AIPL1: variants seen among roughly 807,000 people sequenced by gnomAD.
AIPL1 encodes the protein AIP like 1 HSP90 co-chaperone.
AIPL1 carries 23 observed loss-of-function variants against 32.9 expected under a neutral mutation model. The observed-to-expected ratio is 0.70, with a 90% CI of 0.50 to 0.99. AIPL1 has a LOEUF of 0.99. Ranked by LOEUF, AIPL1 falls within the 50% of genes least tolerant of loss-of-function variation. The pLI is 0.00. For synonymous variants in AIPL1, 210 were observed against 209.4 expected (o/e 1.00, Z -0.02); for missense variants, 485 against 506.0 (o/e 0.96, Z 0.40).
At chr17:6,428,184 T>C in intron 3 of AIPL1, 134 bp downstream of exon 3, 1 of 1,028,984 alleles carries the variant, frequency 9.7e-7, no homozygotes, top group Non-Finnish European at 1.5e-6. Flanking sequence ...CTCCCATGGC[T>C]TATGAACCCT....
Position 6,425,304 on chromosome 17 carries a change from ATTGTT to A in AIPL1, c.*151_*155del. The A allele has an allele frequency of 2.6e-6, 2 of 779,226 alleles. No individual in the cohort carries two copies. Among genetic ancestry groups the A allele is most frequent in the Non-Finnish European group, 3.7e-6 (2 of 538,794 alleles). The allele number at this position is 779,226 out of a possible 1,614,324, so 48.3% of individuals were successfully genotyped here. A position where few individuals can be genotyped will look rare whatever the true frequency, so the allele number is the denominator to read the frequency against. On this transcript the variant is annotated 3_prime_UTR_variant, in exon 6 of 6. Transcript: ENST00000381129. Reference sequence around the variant, plus strand: ...TCATAAGCTCTTCTGTACCCTTGGGATTGTTTTTTTTTTTTTTTTTACCATGGGTG... The same window carrying A: ...TCATAAGCTCTTCTGTACCCTTGGGATTTTTTTTTTTTTTTACCATGGGTG...
In AIPL1 at chr17:6,434,356, C is replaced by T. The variant is rs867652142; in HGVS notation, c.97-258G>A. Among the ~76,000 whole-genome samples the T allele has an allele frequency of 3.8e-3, 396 of 104,974 alleles. 3 individuals carry two copies. The highest frequency in any genetic ancestry group is 0.013 in the African/African-American group (344 of 26,626). 68.9% of individuals were successfully genotyped at this position (104,974 alleles called of 152,430 possible). On this transcript the variant is annotated intron_variant, in intron 1 of 5. Transcript: ENST00000381129. ...ATCCTTCCTCAAGTAAGCCCGAGTT[C>T]TTTTTTTTTTTTTTTTTTCTGAGAC...
Position 6,430,044 on chromosome 17 carries a change from G to GGTGT in AIPL1, c.277-1542_277-1539dup, listed in dbSNP as rs34593943. ...CAGGTGAAGAACTAACTCTAGAAGG[G>GGTGT]GTGTGTGTGTGTGTGTGTGTGTGTG... On this transcript the variant is annotated intron_variant, in intron 2 of 5. Coordinates refer to ENST00000381129, the MANE Select transcript of AIPL1 (RefSeq NM_014336.5). Among the ~76,000 whole-genome samples, 312 of 144,906 alleles carry GGTGT rather than the reference G, an allele frequency of 2.2e-3. 2 individuals are homozygous for GGTGT. The highest frequency in any genetic ancestry group is 2.9e-3 in the East Asian group (14 of 4,756).
chr17:6,429,356 T>C (rs1004087215), intron 2 of AIPL1, among the ~76,000 whole-genome samples: 2 of 152,170 alleles, frequency 1.3e-5, no homozygotes, highest in Non-Finnish European at 2.9e-5. Context: ...TATGCAGCAG[T>C]TCAGCTCTGC....
In AIPL1 at chr17:6,425,283, A is replaced by G. The variant is rs574340384; in HGVS notation, c.*177T>C. The G allele has an allele frequency of 5.2e-6, 4 of 770,454 alleles. No homozygotes were observed. The highest frequency in any genetic ancestry group is 5.7e-5 in the East Asian group (2 of 35,192). The allele number at this position is 770,454 out of a possible 1,614,324, so 47.7% of individuals were successfully genotyped here. Reference sequence around the variant, plus strand: ...AGAGGAGAAAACTACTTTTATTCATAAGCTCTTCTGTACCCTTGGGATTGT... The same window carrying G: ...AGAGGAGAAAACTACTTTTATTCATGAGCTCTTCTGTACCCTTGGGATTGT... On this transcript the variant is annotated 3_prime_UTR_variant, in exon 6 of 6. Coordinates refer to ENST00000381129, the MANE Select transcript of AIPL1 (RefSeq NM_014336.5).
chr17:6,434,051 G>C lies in AIPL1; in HGVS notation c.144C>G (p.Val48=). ...GGCCCACCTGCCGACTGTCGTCAATGACTGTCCGCTCCTCATCACATTTCA... is the reference window on the plus strand; with the variant it reads ...GGCCCACCTGCCGACTGTCGTCAATCACTGTCCGCTCCTCATCACATTTCA... ...RTMKCDEERT[V]IDDSRQVGQP... Residue 48 remains valine, a synonymous_variant, in exon 2 of 6, where the codon GTC becomes GTG. Coordinates refer to ENST00000381129, the MANE Select transcript of AIPL1 (RefSeq NM_014336.5). 6 of 1,614,106 alleles carry C rather than the reference G, an allele frequency of 3.7e-6. No individual in the cohort carries two copies. Among genetic ancestry groups the C allele is most frequent in the Non-Finnish European group, 5.1e-6 (6 of 1,180,014 alleles).
Position 6,430,443 on chromosome 17 carries a change from C to G in AIPL1, c.277-1937G>C, listed in dbSNP as rs187555949. On this transcript the variant is annotated intron_variant, in intron 2 of 5. Transcript: ENST00000381129. Reference sequence around the variant, plus strand: ...TGCACTCCAGCCTGGGCAACAAGAGCGAAAGTCCGTCTCAAAAAAAAAAAA... The same window carrying G: ...TGCACTCCAGCCTGGGCAACAAGAGGGAAAGTCCGTCTCAAAAAAAAAAAA... Among the ~76,000 whole-genome samples the G allele has an allele frequency of 4.1e-3, 458 of 110,904 alleles. 4 individuals carry two copies. The highest frequency in any genetic ancestry group is 0.016 in the African/African-American group (442 of 28,030). The allele number at this position is 110,904 out of a possible 152,430, so 72.8% of individuals were successfully genotyped here. A position where few individuals can be genotyped will look rare whatever the true frequency, so the allele number is the denominator to read the frequency against.
At chr17:6,432,463 C>T (rs1332788039) in intron 2 of AIPL1, among the ~76,000 whole-genome samples, 1 of 152,086 alleles carries the variant, frequency 6.6e-6, no homozygotes, top group East Asian at 1.9e-4. Flanking sequence ...TATGCAGAGA[C>T]TTTGTTTGTT....
chr17:6,427,647 C>T (rs1460809203), intron 3 of AIPL1, among the ~76,000 whole-genome samples: 2 of 152,066 alleles, frequency 1.3e-5, no homozygotes, highest in African/African-American at 4.8e-5. Flanking sequence ...GTGGGGAGTT[C>T]CATGCAGCCT....
intron 2 of AIPL1, among the ~76,000 whole-genome samples, chr17:6,430,378 C>A (rs1029072003): frequency 2.7e-5 from 4 of 145,604 alleles, no homozygotes; most frequent in African/African-American, 1.0e-4. Flanking sequence ...ATCGCTTGAA[C>A]CCGGGAGGCA....
chr17:6,429,637 T>C (rs1312731485), intron 2 of AIPL1, among the ~76,000 whole-genome samples: 2 of 152,192 alleles, frequency 1.3e-5, no homozygotes, highest in Non-Finnish European at 2.9e-5. Context: ...CACACTGCCC[T>C]CACTTATTTA....
intron 4 of AIPL1, 49 bp from the exon 5 acceptor site, chr17:6,426,805 C>T (rs769419287): frequency 6.2e-7 from 1 of 1,612,498 alleles, no homozygotes; most frequent in South Asian, 1.1e-5. Flanking sequence ...GCCCAACCCC[C>T]GCCCCACCCT....
In AIPL1 at chr17:6,426,914, C is replaced by T. The variant is rs914786064; in HGVS notation, c.609G>A (p.Glu203=). The T allele has an allele frequency of 2.5e-6, 4 of 1,614,116 alleles. No homozygotes were observed. In the African/African-American group the frequency reaches 4.0e-5, roughly 16 times the overall value. The stretch of plus-strand genomic sequence containing the variant: ...GCAGGTTCCTTAGGCAGATGATGGC[C>T]TCCTGGTACTTGGAAGAGGCCTCCT... The part of the protein sequence containing the change: ...RYEEASSKYQ[E]AIICLRNLQT... Residue 203 remains glutamate (E), a synonymous_variant, in exon 4 of 6, where the codon GAG becomes GAA. Coordinates refer to ENST00000381129, the MANE Select transcript of AIPL1 (RefSeq NM_014336.5).
intron 4 of AIPL1, 59 bp downstream of exon 4, chr17:6,426,822 C>A: frequency 1.2e-6 from 2 of 1,612,632 alleles, no homozygotes; most frequent in Non-Finnish European, 1.7e-6. Flanking sequence ...CCCTGGCCGG[C>A]ACTGGGCAGG....
At chr17:6,433,866 G>A (rs1232433953) in intron 2 of AIPL1, 53 bp downstream of exon 2, 1 of 1,595,174 alleles carries the variant, frequency 6.3e-7, no homozygotes, top group African/African-American at 1.3e-5. Flanking sequence ...AAAGCGGGTG[G>A]GTGAGCCCAG....
chr17:6,432,208 C>T (rs1308340987), intron 2 of AIPL1, among the ~76,000 whole-genome samples: 1 of 151,994 alleles, frequency 6.6e-6, no homozygotes, highest in Non-Finnish European at 1.5e-5. Context: ...CATGGTGAAA[C>T]CCTGTCTGTA....
Position 6,428,263 on chromosome 17 carries a change from G to A in AIPL1, c.465+55C>T, listed in dbSNP as rs1208929181. 37 of 1,591,648 alleles carry A rather than the reference G, an allele frequency of 2.3e-5. No individual in the cohort carries two copies. The East Asian group carries it at 2.9e-4, about 12-fold the overall frequency. ...TGGGGTGGGGGTGCCCATGATGCCCGCTGTCCCTCTCCAGTGCTGGCACAG... is the reference window on the plus strand; with the variant it reads ...TGGGGTGGGGGTGCCCATGATGCCCACTGTCCCTCTCCAGTGCTGGCACAG... On this transcript the variant is annotated intron_variant, in intron 3 of 5. Coordinates refer to ENST00000381129, the MANE Select transcript of AIPL1 (RefSeq NM_014336.5).
Position 6,425,767 on chromosome 17 carries a change from G to A in AIPL1, c.848C>T (p.Ala283Val). The change falls in exon 6 of 6, where the codon GCC (alanine) becomes GTC (valine). Residue 283 changes from alanine to valine, a missense_variant. By Grantham distance (64) the Ala-to-Val change is moderately conservative. Transcript: ENST00000381129. Reference protein sequence around the residue: ...AHAEVWNEAEAKADLQKVLEL... With the variant: ...AHAEVWNEAEVKADLQKVLEL... ...CAGCACTTTCTGGAGGTCCGCCTTG[G>A]CCTCGGCCTCATTCCACACCTCTGC... 1 of 1,606,824 alleles carries A rather than the reference G, an allele frequency of 6.2e-7. No individual in the cohort carries two copies. The highest frequency in any genetic ancestry group is 8.5e-7 in the Non-Finnish European group (1 of 1,179,986).
chr17:6,425,794 T>G lies in AIPL1; in HGVS notation c.821A>C (p.His274Pro). 2 of 1,605,874 alleles carry G rather than the reference T, an allele frequency of 1.2e-6. No homozygotes were observed. Among genetic ancestry groups the G allele is most frequent in the Non-Finnish European group, 1.7e-6 (2 of 1,179,910 alleles). The change falls in exon 6 of 6, where the codon CAC (histidine) becomes CCC (proline). Residue 274 changes from histidine to proline, a missense_variant. Coordinates refer to ENST00000381129, the MANE Select transcript of AIPL1 (RefSeq NM_014336.5). The stretch of plus-strand genomic sequence containing the variant: ...CTCGGCCTCATTCCACACCTCTGCG[T>G]GAGCCCGGGCACGCACGTAGTAGGC... ...VKAYYVRARA[H>P]AEVWNEAEAK... is the part of the protein sequence containing the mutation.
Sources: allele counts gnomAD v4.1 joint callset (sites outside exome capture counted in the v4.1 genomes callset), GRCh38; gene constraint gnomAD v4.1.1; transcripts MANE v1.5; gene names NCBI Gene and HGNC (gene_info 2026-07-23, HGNC 2026-07-21).